Variants in KDM4C observed in about 807,000 individuals in gnomAD.
The protein encoded by KDM4C is lysine demethylase 4C.
KDM4C carries 81 observed loss-of-function variants against 129.3 expected under a neutral mutation model. The observed-to-expected ratio is 0.63, with a 90% CI of 0.52 to 0.75. KDM4C has a LOEUF of 0.75. Ranked by LOEUF, KDM4C falls within the 30% of genes least tolerant of loss-of-function variation. The pLI is 0.00. For missense variants in KDM4C, 1,457 were observed against 1,304.0 expected (o/e 1.12, Z -1.81); for synonymous variants, 573 against 456.1 (o/e 1.26, Z -3.26).
chr9:6,846,641 A>T (rs114392219), intron 4 of KDM4C, among the ~76,000 whole-genome samples: 2 of 152,160 alleles, frequency 1.3e-5, no homozygotes, highest in Non-Finnish European at 2.9e-5. Context: ...CTTTTTAGCA[A>T]CCTTGCCTTG....
At chr9:6,973,816 G>A (rs772154205) in intron 8 of KDM4C, 6 of 152,134 alleles carry the variant, frequency 3.9e-5, no homozygotes, top group Non-Finnish European at 8.8e-5. Flanking sequence ...ACTGCTGTTT[G>A]ACTTGTGCAG....
chr9:6,854,538 A>AAG (rs1839442443), intron 5 of KDM4C, among the ~76,000 whole-genome samples: 1 of 145,998 alleles, frequency 6.8e-6, no homozygotes, highest in South Asian at 2.1e-4. Context: ...AAAAAAAAAA[A>AAG]AAAAAAACAA....
At chr9:6,748,715 A>C (rs537285145) in intron 1 of KDM4C, 1 of 1,476,438 alleles carries the variant, frequency 6.8e-7, no homozygotes, top group Non-Finnish European at 9.4e-7. Flanking sequence ...AGTTGGAGAC[A>C]CTTTGTAGCA....
chr9:6,766,846 C>T (rs1031445530), intron 1 of KDM4C, among the ~76,000 whole-genome samples: 1 of 151,982 alleles, frequency 6.6e-6, no homozygotes, highest in African/African-American at 2.4e-5. Context: ...TCTTCTCTGC[C>T]AGTACGTTTT....
At chr9:6,900,463 G>A (rs1156658799) in intron 8 of KDM4C, among the ~76,000 whole-genome samples, 3 of 152,210 alleles carry the variant, frequency 2.0e-5, no homozygotes, top group Non-Finnish European at 4.4e-5. Flanking sequence ...AATTGGTTGA[G>A]TTTGGATTCC....
At chr9:6,950,077 G>GT (rs34684815) in intron 8 of KDM4C, among the ~76,000 whole-genome samples, 83,171 of 131,118 alleles carry the variant, frequency 0.63, 26,820 homozygotes, top group East Asian at 0.92. Flanking sequence ...ATCTTTTCTT[G>GT]TTTTTTTTTT....
intron 15 of KDM4C, among the ~76,000 whole-genome samples, chr9:7,027,058 C>G (rs1265596513): frequency 4.6e-5 from 7 of 152,112 alleles, no homozygotes; most frequent in Non-Finnish European, 1.0e-4. Flanking sequence ...TGAGAGGTCA[C>G]ATATCTGTGT....
At chr9:7,072,969 A>G (rs144537192) in intron 17 of KDM4C, among the ~76,000 whole-genome samples, 107 of 152,288 alleles carry the variant, frequency 7.0e-4, no homozygotes, top group African/African-American at 2.4e-3. Context: ...TCAGTGATGT[A>G]GGGAGAAGGA....
intron 8 of KDM4C, chr9:6,974,634 AG>A (rs1832634527): frequency 6.6e-6 from 1 of 152,242 alleles, no homozygotes; most frequent in Non-Finnish European, 1.5e-5. Context: ...CTGGGATTCC[AG>A]GCGTGACCCA....
intron 19 of KDM4C, among the ~76,000 whole-genome samples, chr9:7,150,827 G>A (rs1256896374): frequency 6.6e-6 from 1 of 152,172 alleles, no homozygotes; most frequent in Non-Finnish European, 1.5e-5. Context: ...GCCTTTTAAG[G>A]TTTTTGCATG....
At chr9:6,974,334 A>G (rs62534373) in intron 8 of KDM4C, among the ~76,000 whole-genome samples, 24,426 of 152,178 alleles carry the variant, frequency 0.16, 2,709 homozygotes, top group Non-Finnish European at 0.25. Flanking sequence ...ATATTCAACA[A>G]TATGCATCCA....
At chr9:7,112,852 T>C (rs958435840) in intron 18 of KDM4C, among the ~76,000 whole-genome samples, 1 of 152,224 alleles carries the variant, frequency 6.6e-6, no homozygotes, top group Non-Finnish European at 1.5e-5. Context: ...CAAATCCTCA[T>C]AGTGTCTCTA....
intron 15 of KDM4C, among the ~76,000 whole-genome samples, chr9:7,027,428 C>T (rs1825988316): frequency 6.6e-6 from 1 of 152,192 alleles, no homozygotes; most frequent in Non-Finnish European, 1.5e-5. Flanking sequence ...TACTTTCTTC[C>T]AAACAAAGGG....
intron 17 of KDM4C, among the ~76,000 whole-genome samples, chr9:7,084,932 GCCATGAGAGTGC>G (rs1834939927): frequency 6.6e-6 from 1 of 152,224 alleles, no homozygotes; most frequent in Admixed American, 6.5e-5. Flanking sequence ...GAAGTGTTGT[GCCATGAGAGTGC>G]CCATCAGGGG....
chr9:6,989,162 A>G (rs2760654), intron 11 of KDM4C, among the ~76,000 whole-genome samples: 124,590 of 151,780 alleles, frequency 0.82, 51,945 homozygotes, highest in Non-Finnish European at 0.88. Context: ...CTGTCATCGT[A>G]TATTGCATTT....
chr9:6,831,455 G>C (rs1564113123), intron 4 of KDM4C, among the ~76,000 whole-genome samples: 1 of 152,026 alleles, frequency 6.6e-6, no homozygotes, highest in Non-Finnish European at 1.5e-5. Context: ...TAATTCTCCT[G>C]CCATAGCCTT....
At chr9:6,924,128 A>G (rs971182859) in intron 8 of KDM4C, among the ~76,000 whole-genome samples, 4 of 152,062 alleles carry the variant, frequency 2.6e-5, no homozygotes, top group African/African-American at 9.7e-5. Context: ...TTCTTTTTTT[A>G]AAAAAAGTTA....
At chr9:7,153,226 C>T (rs1274321943) in intron 19 of KDM4C, among the ~76,000 whole-genome samples, 1 of 152,144 alleles carries the variant, frequency 6.6e-6, no homozygotes, top group African/African-American at 2.4e-5. Context: ...TTTGGGTGAG[C>T]CACCATGCCC....
chr9:6,946,023 A>C (rs185762420), intron 8 of KDM4C, among the ~76,000 whole-genome samples: 2 of 152,158 alleles, frequency 1.3e-5, no homozygotes, highest in African/African-American at 4.8e-5. Context: ...GTAAATTTGC[A>C]TGAATTCCTT....
Sources: gnomAD v4.1 joint callset for allele counts (sites outside exome capture counted in the v4.1 genomes callset) on GRCh38, gnomAD v4.1.1 for gene constraint, MANE v1.5 for transcripts, NCBI Gene and HGNC (gene_info 2026-07-23, HGNC 2026-07-21) for gene names.